KRAS: variants seen among roughly 807,000 people sequenced by gnomAD.
KRAS encodes GTPase KRas.
A neutral mutation model predicts 21.0 loss-of-function variants in KRAS; 1 was observed. That is an observed-to-expected ratio of 0.05 (90% CI 0.02 to 0.23). The LOEUF (loss-of-function observed/expected upper bound fraction) is 0.23. KRAS is among the 10% of genes least tolerant of loss of function. KRAS has a pLI of 1.00. For synonymous variants in KRAS, 67 were observed against 72.5 expected (o/e 0.92, Z 0.39); for missense variants, 107 against 221.8 (o/e 0.48, Z 3.29).
intron 4 of KRAS, 57 bp from the exon 5 acceptor site, chr12:25,209,968 G>A: frequency 1.5e-6 from 2 of 1,315,718 alleles, no homozygotes; most frequent in South Asian, 1.4e-5. Context: ...CATGTGTACA[G>A]GTAACAAATT....
chr12:25,215,436 C>T lies in KRAS; in HGVS notation c.451-5525G>A, dbSNP rs780979221. The T allele has an allele frequency of 5.0e-6, 8 of 1,613,112 alleles. No individual in the cohort carries two copies. The highest frequency in any genetic ancestry group is 2.2e-5 in the East Asian group (1 of 44,768). ...AATTAATGTGCTGAACTTAAACTTA[C>T]CAGATTACATTATAATGCATTTTTT... On this transcript the variant is annotated intron_variant, in intron 4 of 4. Transcript: ENST00000311936.
Position 25,250,885 on chromosome 12 carries a change from ACTGCCGCCGCCG to A in KRAS, c.-158_-147del. On this transcript the variant is annotated 5_prime_UTR_variant, in exon 1 of 5. Coordinates refer to ENST00000311936, the MANE Select transcript of KRAS (RefSeq NM_004985.5). The stretch of plus-strand genomic sequence containing the variant: ...AGCCGCCGCCACCTTCGCCGCCGCC[ACTGCCGCCGCCG>A]CTGCTGCCTCCGCCGCCGCGGCCGC... 1 of 244,726 alleles carries A rather than the reference ACTGCCGCCGCCG, an allele frequency of 4.1e-6. No homozygotes were observed. Among genetic ancestry groups the A allele is most frequent in the African/African-American group, 2.3e-5 (1 of 43,950 alleles). The allele number at this position is 244,726 out of a possible 1,614,324, so 15.2% of individuals were successfully genotyped here.
chr12:25,220,002 A>G (rs1231086334), intron 4 of KRAS, among the ~76,000 whole-genome samples: 1 of 152,222 alleles, frequency 6.6e-6, no homozygotes, highest in African/African-American at 2.4e-5. Flanking sequence ...TAATTTTCAC[A>G]TTATATTTAA....
chr12:25,231,561 T>G (rs992419382), intron 2 of KRAS, among the ~76,000 whole-genome samples: 1 of 152,204 alleles, frequency 6.6e-6, no homozygotes, highest in Non-Finnish European at 1.5e-5. Flanking sequence ...AATACACCAG[T>G]GCGACCGAGA....
chr12:25,250,193 T>A (rs1176106782), intron 1 of KRAS, among the ~76,000 whole-genome samples: 7 of 152,032 alleles, frequency 4.6e-5, no homozygotes, highest in African/African-American at 1.7e-4. Context: ...TACTCACACA[T>A]CCCCTACACA....
intron 1 of KRAS, among the ~76,000 whole-genome samples, chr12:25,248,607 GA>G (rs543111248): frequency 6.1e-5 from 9 of 148,304 alleles, no homozygotes; most frequent in South Asian, 2.2e-4. Context: ...GTTGTTTCCA[GA>G]AAAAAAAAAA....
chr12:25,250,875 C>CGCCGCCGCCACTGCCGCCGCCGCTGCT lies in KRAS; in HGVS notation c.-163_-137dup, dbSNP rs1951762019. 1 of 249,216 alleles carries CGCCGCCGCCACTGCCGCCGCCGCTGCT rather than the reference C, an allele frequency of 4.0e-6. No homozygotes were observed. The highest frequency in any genetic ancestry group is 7.6e-6 in the Non-Finnish European group (1 of 132,102). 15.4% of individuals were successfully genotyped at this position (249,216 alleles called of 1,614,324 possible). On this transcript the variant is annotated 5_prime_UTR_variant, in exon 1 of 5. Coordinates refer to ENST00000311936, the MANE Select transcript of KRAS (RefSeq NM_004985.5). ...GTACTGGCCGAGCCGCCGCCACCTTCGCCGCCGCCACTGCCGCCGCCGCTG... is the reference window on the plus strand; with the variant it reads ...GTACTGGCCGAGCCGCCGCCACCTTCGCCGCCGCCACTGCCGCCGCCGCTGCTGCCGCCGCCACTGCCGCCGCCGCTG...
At chr12:25,226,946 G>T (rs1451612229) in intron 3 of KRAS, among the ~76,000 whole-genome samples, 2 of 151,896 alleles carry the variant, frequency 1.3e-5, no homozygotes, top group African/African-American at 4.8e-5. Context: ...TATCTAAAAA[G>T]TTTAAAGTCT....
chr12:25,249,167 C>T (rs763996692), intron 1 of KRAS, among the ~76,000 whole-genome samples: 2 of 152,100 alleles, frequency 1.3e-5, no homozygotes, highest in African/African-American at 2.4e-5. Context: ...GAGGCCGAGG[C>T]GGGCAGATCA....
rs537402686 is a variant in KRAS, at chr12:25,207,758, C to T, written c.*2037G>A. ...TTGGGCAGCAAAGAGATGTTCAAAGCATCAGCCACCACCTGAAAATTAGTG... is the reference window on the plus strand; with the variant it reads ...TTGGGCAGCAAAGAGATGTTCAAAGTATCAGCCACCACCTGAAAATTAGTG... On this transcript the variant is annotated 3_prime_UTR_variant, in exon 5 of 5. Coordinates refer to ENST00000311936, the MANE Select transcript of KRAS (RefSeq NM_004985.5). The T allele has an allele frequency of 4.6e-4, 107 of 232,900 alleles. No individual in the cohort carries two copies. The highest frequency in any genetic ancestry group is 2.2e-3 in the African/African-American group (99 of 45,444). 14.4% of individuals were successfully genotyped at this position (232,900 alleles called of 1,614,324 possible).
intron 4 of KRAS, among the ~76,000 whole-genome samples, chr12:25,216,675 T>G (rs56225858): frequency 0.013 from 1,924 of 152,308 alleles, 39 homozygotes; most frequent in South Asian, 0.082. Flanking sequence ...TTTTCTTGCT[T>G]AAACATAAGA....
At chr12:25,216,178 T>C (rs1951253026) in intron 4 of KRAS, among the ~76,000 whole-genome samples, 1 of 152,218 alleles carries the variant, frequency 6.6e-6, no homozygotes, top group Admixed American at 6.5e-5. Flanking sequence ...AATTACATTA[T>C]TAAAATCTTA....
chr12:25,223,946 C>A (rs144867392), intron 4 of KRAS, among the ~76,000 whole-genome samples: 80 of 151,854 alleles, frequency 5.3e-4, no homozygotes, highest in Non-Finnish European at 9.3e-4. Flanking sequence ...CAGTCATGTA[C>A]CACATAATGA....
At chr12:25,245,448 G>A in intron 1 of KRAS, 53 bp from the exon 2 acceptor site, 1 of 1,509,056 alleles carries the variant, frequency 6.6e-7, no homozygotes, top group South Asian at 1.2e-5. Flanking sequence ...TCACACATAA[G>A]GTTAATACAC....
intron 4 of KRAS, among the ~76,000 whole-genome samples, chr12:25,213,021 C>T (rs1416678244): frequency 1.3e-5 from 2 of 152,120 alleles, no homozygotes; most frequent in Non-Finnish European, 2.9e-5. Context: ...GCCTCAGGCT[C>T]CCAAGCAGCT....
chr12:25,246,419 G>T (rs770191288), intron 1 of KRAS, among the ~76,000 whole-genome samples: 1 of 152,028 alleles, frequency 6.6e-6, no homozygotes, highest in African/African-American at 2.4e-5. Flanking sequence ...TTAATCAGGC[G>T]TGGTGGCGCT....
chr12:25,224,225 C>A lies in KRAS; in HGVS notation c.450+1389G>T, dbSNP rs1174923239. Among the ~76,000 whole-genome samples the A allele has an allele frequency of 2.0e-5, 3 of 148,604 alleles. No individual in the cohort carries two copies. In the South Asian group the frequency reaches 6.4e-4, roughly 32 times the overall value. On this transcript the variant is annotated intron_variant, in intron 4 of 4. Transcript: ENST00000311936. ...AAAAAAAAAAGTTAACTATAAACAG[C>A]CTTGGATAGGTCCTTCAGGAGGTAT... is the stretch of plus-strand genomic sequence containing the variant.
At chr12:25,225,520 T>A (rs972506087) in intron 4 of KRAS, 94 bp downstream of exon 4, 9 of 1,223,952 alleles carry the variant, frequency 7.4e-6, no homozygotes, top group Non-Finnish European at 9.6e-6. Context: ...TATTTCCTAG[T>A]ATAGCATAAT....
chr12:25,229,126 A>C (rs1951432951), intron 2 of KRAS, among the ~76,000 whole-genome samples: 1 of 152,192 alleles, frequency 6.6e-6, no homozygotes, highest in Non-Finnish European at 1.5e-5. Context: ...ATATTTTACC[A>C]CAAAAAAAAA....
Sources: allele counts gnomAD v4.1 joint callset (sites outside exome capture counted in the v4.1 genomes callset), GRCh38; gene constraint gnomAD v4.1.1; transcripts MANE v1.5; gene names NCBI Gene and HGNC (gene_info 2026-07-23, HGNC 2026-07-21).